TTC28: variants seen among roughly 807,000 people sequenced by gnomAD.
TTC28 encodes the protein tetratricopeptide repeat protein 28.
A neutral mutation model predicts 198.0 loss-of-function variants in TTC28; 61 were observed. That is an observed-to-expected ratio of 0.31 (90% CI 0.25 to 0.38). The LOEUF is 0.38. TTC28 is among the 10% of genes least tolerant of loss of function. The pLI is 1.00. For synonymous variants in TTC28, 1,171 were observed against 1,297.8 expected, an observed-to-expected ratio of 0.90 and a Z score of 2.10; for missense variants, 2,678 against 3,164.0, an observed-to-expected ratio of 0.85 and a Z score of 3.69.
chr22:28,047,945 G>A (rs1052010397), intron 12 of TTC28, among the ~76,000 whole-genome samples: 1 of 152,128 alleles, frequency 6.6e-6, no homozygotes, highest in Non-Finnish European at 1.5e-5. Flanking sequence ...ATCCTTTCCT[G>A]GAATAAGCCT....
rs149484650 is a variant in TTC28, at chr22:28,251,593, A to G, written c.933+44605T>C. Among the ~76,000 whole-genome samples the G allele has an allele frequency of 7.3e-4, 111 of 152,328 alleles. 1 individual carries two copies. Among genetic ancestry groups the G allele is most frequent in the African/African-American group, 2.6e-3 (108 of 41,586 alleles). ...ATGTATGAATTACTAACTGAAGTGT[A>G]AAGTGATTCACAAATATAGGGTGGC... On this transcript the variant is annotated intron_variant, in intron 5 of 22. Transcript: ENST00000397906.
chr22:28,010,707 C>A (rs778058456), intron 14 of TTC28, among the ~76,000 whole-genome samples: 1 of 152,170 alleles, frequency 6.6e-6, no homozygotes, highest in Non-Finnish European at 1.5e-5. Flanking sequence ...GCAGGGGGCT[C>A]ACTAGATTCA....
At position 28,552,783 on chromosome 22, in the gene TTC28, C is replaced by G. The variant is rs563732991; in HGVS notation, c.381+76769G>C. ...TCTCCGCCTCCCCCTCCCCCTCCCC[C>G]TCTCCCCACGGTCTCCCTCTCCCTC... On this transcript the variant is annotated intron_variant, in intron 2 of 22. Transcript: ENST00000397906. Among the ~76,000 whole-genome samples the G allele has an allele frequency of 3.7e-5, 5 of 135,548 alleles. No individual in the cohort carries two copies. In the South Asian group the frequency reaches 1.2e-3, roughly 32 times the overall value. The allele number at this position is 135,548 out of a possible 152,430, so 88.9% of individuals were successfully genotyped here. A position where few individuals can be genotyped will look rare whatever the true frequency, so the allele number is the denominator to read the frequency against.
intron 2 of TTC28, among the ~76,000 whole-genome samples, chr22:28,403,136 A>T (rs2046943140): frequency 6.6e-6 from 1 of 152,184 alleles, no homozygotes; most frequent in Non-Finnish European, 1.5e-5. Context: ...AGAAGTAAAC[A>T]AAAGTTTACC....
intron 3 of TTC28, among the ~76,000 whole-genome samples, chr22:28,301,716 T>C (rs1003099868): frequency 6.6e-6 from 1 of 152,128 alleles, no homozygotes; most frequent in Non-Finnish European, 1.5e-5. Context: ...ATATGTGTCA[T>C]CATAATAGTC....
intron 5 of TTC28, among the ~76,000 whole-genome samples, chr22:28,251,759 T>C (rs554977861): frequency 6.6e-6 from 1 of 152,164 alleles, no homozygotes; most frequent in Non-Finnish European, 1.5e-5. Context: ...TTTGAAACAT[T>C]AAAAGGGCTA....
At chr22:28,632,365 C>T (rs2051190748) in intron 1 of TTC28, among the ~76,000 whole-genome samples, 1 of 147,350 alleles carries the variant, frequency 6.8e-6, no homozygotes, top group African/African-American at 2.5e-5. Context: ...CAACCTCTGC[C>T]TCCCAGGTTC....
intron 2 of TTC28, among the ~76,000 whole-genome samples, chr22:28,308,573 C>CA (rs1336892140): frequency 3.9e-5 from 6 of 152,152 alleles, no homozygotes; most frequent in Non-Finnish European, 1.5e-5. Context: ...CAAATAAAAG[C>CA]ACTGAAAAGT....
chr22:28,088,761 T>C (rs546924297), intron 12 of TTC28, among the ~76,000 whole-genome samples: 9 of 152,222 alleles, frequency 5.9e-5, no homozygotes, highest in Admixed American at 3.3e-4. Context: ...CGCAACCTAC[T>C]CATCTGACAA....
At chr22:27,987,091 G>T (rs947313299) in intron 21 of TTC28, among the ~76,000 whole-genome samples, 2 of 152,178 alleles carry the variant, frequency 1.3e-5, no homozygotes, top group African/African-American at 4.8e-5. Flanking sequence ...GAGCGAGCCA[G>T]CCACCTCTCT....
intron 2 of TTC28, among the ~76,000 whole-genome samples, chr22:28,423,619 T>C (rs1490510511): frequency 6.6e-6 from 1 of 152,194 alleles, no homozygotes; most frequent in African/African-American, 2.4e-5. Flanking sequence ...TTAAGTTGCA[T>C]CATTACAGTA....
chr22:28,130,491 G>A (rs967764221), intron 6 of TTC28, among the ~76,000 whole-genome samples: 1 of 152,122 alleles, frequency 6.6e-6, no homozygotes, highest in Non-Finnish European at 1.5e-5. Context: ...ATAATCCTGT[G>A]AGTACCCTAT....
At chr22:28,525,988 A>G (rs1362692582) in intron 2 of TTC28, among the ~76,000 whole-genome samples, 1 of 152,242 alleles carries the variant, frequency 6.6e-6, no homozygotes, top group African/African-American at 2.4e-5. Flanking sequence ...CTGCACTTAA[A>G]GAACTAGAAT....
intron 6 of TTC28, 111 bp downstream of exon 6, chr22:28,162,981 G>A (rs1921399662): frequency 7.6e-7 from 1 of 1,308,708 alleles, no homozygotes; most frequent in Non-Finnish European, 1.0e-6. Context: ...ACACAATAAG[G>A]ATATTCTTTT....
At position 27,983,374 on chromosome 22, in the gene TTC28, C is replaced by G; in HGVS notation, c.6293G>C (p.Ser2098Thr). Residue 2098 changes from serine (S) to threonine (T), a missense_variant, in exon 23 of 23, where the codon AGC becomes ACC. Ser to Thr is a moderately conservative substitution (Grantham distance 58). Transcript: ENST00000397906. ...TGGAGTGCTGATGCTCCCTTTGGAG[C>G]TCACCGAGACTCTCATGCCTCCGGC... ...GTAGGMRVSVSSKGSISTPNS... is the reference protein window; with the variant it reads ...GTAGGMRVSVTSKGSISTPNS... The G allele has an allele frequency of 6.4e-7, 1 of 1,551,160 alleles. No homozygotes were observed.
intron 12 of TTC28, among the ~76,000 whole-genome samples, chr22:28,044,580 T>A (rs1423844418): frequency 6.6e-6 from 1 of 152,152 alleles, no homozygotes; most frequent in Non-Finnish European, 1.5e-5. Context: ...ATTAGGTATA[T>A]CTCCTAATGC....
chr22:28,541,188 T>C (rs972700783), intron 2 of TTC28, among the ~76,000 whole-genome samples: 5 of 152,212 alleles, frequency 3.3e-5, no homozygotes, highest in Non-Finnish European at 7.3e-5. Context: ...GAACAACGTA[T>C]ATAAAACAAC....
chr22:28,238,975 T>C (rs1474892409), intron 5 of TTC28, among the ~76,000 whole-genome samples: 1 of 152,182 alleles, frequency 6.6e-6, no homozygotes, highest in East Asian at 1.9e-4. Context: ...ATGAGGTTCC[T>C]CTCCTTACGA....
At position 28,579,991 on chromosome 22, in the gene TTC28, CACACACACACAT is replaced by C. The variant is rs1242693122; in HGVS notation, c.381+49549_381+49560del. The stretch of plus-strand genomic sequence containing the variant: ...TCTCAAAACAAAAAAAAATTATACA[CACACACACACAT>C]ACACACACACATACACACATATATA... On this transcript the variant is annotated intron_variant, in intron 2 of 22. Transcript: ENST00000397906. 5.9e-5 allele frequency among the ~76,000 whole-genome samples: 9 copies of C among 151,866 alleles called. No homozygotes were observed. The South Asian group carries it at 8.3e-4, about 14-fold the overall frequency.
Sources: gnomAD v4.1 joint callset for allele counts (sites outside exome capture counted in the v4.1 genomes callset) on GRCh38, gnomAD v4.1.1 for gene constraint, MANE v1.5 for transcripts, NCBI Gene and HGNC (gene_info 2026-07-23, HGNC 2026-07-21) for gene names.